Variants in SPMIP4 observed in about 807,000 individuals in gnomAD.
SPMIP4 encodes sperm microtubule inner protein 4, also known as sperm-associated microtubule inner protein 4.
the SPMIP4 span, chr7:25,136,151 C>A: frequency 6.2e-7 from 1 of 1,614,158 alleles, no homozygotes. This position sits in a 1 kb window ranked among gnomAD's most constrained non-coding sequence, Gnocchi z 5.7. Flanking sequence ...GTCACTCCAG[C>A]TCTAGGAATC....
At chr7:25,132,789 A>T in the SPMIP4 span, among the ~76,000 whole-genome samples, 2 of 152,238 alleles carry the variant, frequency 1.3e-5, no homozygotes, top group African/African-American at 4.8e-5. The surrounding 1 kb of genome is among the most constrained non-coding windows in gnomAD (Gnocchi z 5.0). Flanking sequence ...TTGCTTGTGT[A>T]TAACAAAAGT....
chr7:25,149,339 T>C, the SPMIP4 span, among the ~76,000 whole-genome samples: 1 of 152,078 alleles, frequency 6.6e-6, no homozygotes, highest in Non-Finnish European at 1.5e-5. Flanking sequence ...GAAGGACAAG[T>C]ATAGGGTATT....
chr7:25,145,008 A>T, the SPMIP4 span, among the ~76,000 whole-genome samples: 1 of 149,688 alleles, frequency 6.7e-6, no homozygotes. Flanking sequence ...TGTCCCCCAG[A>T]CTGGAGTGCA....
At chr7:25,132,885 G>A in the SPMIP4 span, among the ~76,000 whole-genome samples, 4 of 152,094 alleles carry the variant, frequency 2.6e-5, no homozygotes, top group African/African-American at 9.7e-5. This position sits in a 1 kb window ranked among gnomAD's most constrained non-coding sequence, Gnocchi z 5.0. Context: ...GATGGAGATG[G>A]GAAGGGTTTT....
At chr7:25,163,486 A>G in the SPMIP4 span, among the ~76,000 whole-genome samples, 3 of 152,220 alleles carry the variant, frequency 2.0e-5, no homozygotes, top group African/African-American at 7.2e-5. This position sits in a 1 kb window ranked among gnomAD's most constrained non-coding sequence, Gnocchi z 4.4. Context: ...CTCAATAATT[A>G]GGTAGATAAA....
the SPMIP4 span, chr7:25,158,416 G>A: frequency 2.4e-5 from 18 of 742,026 alleles, no homozygotes; most frequent in Non-Finnish European, 3.5e-5. Context: ...AGTCTCACTT[G>A]TTTTCACACT....
the SPMIP4 span, among the ~76,000 whole-genome samples, chr7:25,130,243 C>G: frequency 7.2e-6 from 1 of 138,194 alleles, no homozygotes; most frequent in South Asian, 2.1e-4. Context: ...GACTCCGCAT[C>G]TCAAAAAAAC....
the SPMIP4 span, among the ~76,000 whole-genome samples, chr7:25,140,941 G>C: frequency 6.6e-6 from 1 of 152,080 alleles, no homozygotes; most frequent in Admixed American, 6.5e-5. Flanking sequence ...GTTTTTCCTT[G>C]TGTTTTTCAC....
chr7:25,136,488 G>C, the SPMIP4 span: 1 of 1,614,118 alleles, frequency 6.2e-7, no homozygotes. The surrounding 1 kb of genome is among the most constrained non-coding windows in gnomAD (Gnocchi z 5.7). Flanking sequence ...TGCTAGTTAG[G>C]TCTTTTGTTG....
the SPMIP4 span, among the ~76,000 whole-genome samples, chr7:25,141,345 G>A: frequency 6.6e-6 from 1 of 152,148 alleles, no homozygotes; most frequent in Non-Finnish European, 1.5e-5. Flanking sequence ...AGGCCGAGGC[G>A]GGCGAATCAC....
the SPMIP4 span, among the ~76,000 whole-genome samples, chr7:25,168,872 C>T: frequency 5.3e-5 from 8 of 151,736 alleles, no homozygotes; most frequent in African/African-American, 9.7e-5. Flanking sequence ...ATTACAGGGG[C>T]GTGCCATCAC....
At chr7:25,169,738 C>T in the SPMIP4 span, among the ~76,000 whole-genome samples, 1 of 152,024 alleles carries the variant, frequency 6.6e-6, no homozygotes, top group African/African-American at 2.4e-5. Flanking sequence ...CCACGCCTGG[C>T]TAATTTTTTG....
At chr7:25,162,325 CAAATT>C in the SPMIP4 span, among the ~76,000 whole-genome samples, 1 of 148,620 alleles carries the variant, frequency 6.7e-6, no homozygotes, top group Non-Finnish European at 1.5e-5. Context: ...CTAAAAAACC[CAAATT>C]AAATTATCAG....
chr7:25,135,985 T>C, the SPMIP4 span: 4 of 1,594,164 alleles, frequency 2.5e-6, no homozygotes, highest in Non-Finnish European at 3.4e-6. Context: ...ATTATAGAAA[T>C]AATAGGAATT....
the SPMIP4 span, among the ~76,000 whole-genome samples, chr7:25,172,202 C>G: frequency 6.6e-6 from 1 of 152,160 alleles, no homozygotes; most frequent in African/African-American, 2.4e-5. The surrounding 1 kb of genome is among the most constrained non-coding windows in gnomAD (Gnocchi z 4.2). Context: ...CCCTTGCAGA[C>G]ACAGAGACTC....
chr7:25,154,985 A>G, the SPMIP4 span: 1 of 1,587,128 alleles, frequency 6.3e-7, no homozygotes, highest in Non-Finnish European at 8.6e-7. Flanking sequence ...GAATTAATAC[A>G]GTTCTGATTC....
the SPMIP4 span, among the ~76,000 whole-genome samples, chr7:25,173,667 G>A: frequency 6.6e-6 from 1 of 152,218 alleles, no homozygotes; most frequent in Non-Finnish European, 1.5e-5. The surrounding 1 kb of genome is among the most constrained non-coding windows in gnomAD (Gnocchi z 4.4). Flanking sequence ...TGGGGGACAT[G>A]ACAAGTGAAA....
At chr7:25,166,787 T>G in the SPMIP4 span, among the ~76,000 whole-genome samples, 1 of 150,720 alleles carries the variant, frequency 6.6e-6, no homozygotes, top group Non-Finnish European at 1.5e-5. Flanking sequence ...CCAGCTAGGC[T>G]GGGAGGCTGA....
chr7:25,135,752 T>C, the SPMIP4 span: 5 of 1,214,484 alleles, frequency 4.1e-6, no homozygotes, highest in Non-Finnish European at 5.2e-6. Flanking sequence ...CTAGTTCTAA[T>C]ATTTTATTGC....
Sources: allele counts gnomAD v4.1 joint callset (sites outside exome capture counted in the v4.1 genomes callset), GRCh38; gene constraint gnomAD v4.1.1; non-coding constraint Gnocchi (gnomAD v3.1); transcripts MANE v1.5; gene names NCBI Gene and HGNC (gene_info 2026-07-23, HGNC 2026-07-21).